The following CRLS1 variants were observed in gnomAD, a reference collection of about 807,000 sequenced individuals.
The protein encoded by CRLS1 is cardiolipin synthase (CMP-forming).
A neutral mutation model predicts 37.0 loss-of-function variants in CRLS1; 24 were observed. The observed-to-expected ratio is 0.65, with a 90% CI of 0.47 to 0.91. The LOEUF (loss-of-function observed/expected upper bound fraction) is 0.91, where lower values mean the gene tolerates loss of function less well. Among genes scored for constraint, CRLS1 ranks in the 40% least tolerant of loss-of-function variants. CRLS1 has a pLI of 0.00. For missense variants in CRLS1, 373 were observed against 395.8 expected (o/e 0.94, Z 0.49); for synonymous variants, 135 against 159.7 (o/e 0.85, Z 1.17).
In CRLS1 at chr20:6,012,192, C is replaced by G. The variant is rs150333477; in HGVS notation, c.444+2280C>G. On this transcript the variant is annotated intron_variant, in intron 2 of 6. Transcript: ENST00000378863. Reference sequence around the variant, plus strand: ...GTTCCATGGAGATTTTAGTGCCTTTCAATTGGCCACTGGGAGGTGGTCGGA... The same window carrying G: ...GTTCCATGGAGATTTTAGTGCCTTTGAATTGGCCACTGGGAGGTGGTCGGA... Among the ~76,000 whole-genome samples the G allele has an allele frequency of 4.6e-5, 7 of 152,272 alleles. No individual in the cohort carries two copies. The East Asian group carries it at 1.3e-3, about 29-fold the overall frequency.
Position 6,009,994 on chromosome 20 carries a change from C to T in CRLS1, c.444+82C>T, listed in dbSNP as rs1470247598. The T allele has an allele frequency of 8.3e-6, 11 of 1,318,700 alleles. No individual in the cohort carries two copies. In the African/African-American group the frequency reaches 1.6e-4, roughly 20 times the overall value. The allele number at this position is 1,318,700 out of a possible 1,614,324, so 81.7% of individuals were successfully genotyped here. ...TAAACCGAAATAGCATAGCCTTAGC[C>T]TGCTTTTCCTTGGGAGGAAAACCTC... On this transcript the variant is annotated intron_variant, in intron 2 of 6. Transcript: ENST00000378863.
intron 3 of CRLS1, among the ~76,000 whole-genome samples, chr20:6,026,488 C>T (rs1222633773): frequency 6.6e-6 from 1 of 152,008 alleles, no homozygotes; most frequent in Non-Finnish European, 1.5e-5. Context: ...TGGAACAGAG[C>T]CTTCAATGTC....
chr20:6,016,730 G>A (rs1050123420), intron 3 of CRLS1, among the ~76,000 whole-genome samples: 1 of 152,122 alleles, frequency 6.6e-6, no homozygotes, highest in Non-Finnish European at 1.5e-5. Flanking sequence ...ATTGGTGTAG[G>A]TTGCTTTCCA....
In CRLS1 at chr20:6,006,190, G is replaced by C. The variant is rs907814372; in HGVS notation, c.-57G>C. ...GTCTCCATGGAGAAGCGGCTCGCCA[G>C]TGTCCCAGGCTGCTGAGCTCTCGCC... On this transcript the variant is annotated 5_prime_UTR_variant, in exon 1 of 7. Coordinates refer to ENST00000378863, the MANE Select transcript of CRLS1 (RefSeq NM_019095.6). 9.5e-7 allele frequency: 1 copy of C among 1,047,940 alleles called. No individual in the cohort carries two copies. Among genetic ancestry groups the C allele is most frequent in the East Asian group, 3.5e-5 (1 of 28,888 alleles). The allele number at this position is 1,047,940 out of a possible 1,614,324, so 64.9% of individuals were successfully genotyped here.
intron 4 of CRLS1, 61 bp downstream of exon 4, chr20:6,031,431 A>C (rs1600388165): frequency 7.6e-7 from 1 of 1,322,572 alleles, no homozygotes; most frequent in East Asian, 2.3e-5. Flanking sequence ...AAAAAGCAAA[A>C]AGACATATTT....
chr20:6,011,774 T>C (rs760075439), intron 2 of CRLS1, among the ~76,000 whole-genome samples: 41 of 151,102 alleles, frequency 2.7e-4, no homozygotes, highest in Non-Finnish European at 5.3e-4. Context: ...TTAGTAGATA[T>C]GGGGTTTCAT....
intron 1 of CRLS1, chr20:6,007,146 C>A (rs1282464991): frequency 1.9e-6 from 2 of 1,026,320 alleles, no homozygotes; most frequent in South Asian, 2.2e-5. Context: ...ACAGAAGACA[C>A]CCGAGCATGA....
chr20:6,016,463 G>A (rs1397820165), intron 3 of CRLS1, among the ~76,000 whole-genome samples: 1 of 123,894 alleles, frequency 8.1e-6, no homozygotes, highest in African/African-American at 2.8e-5. Context: ...GGGTGTGTGT[G>A]TGTGTGTGTG....
rs1231445467 is a variant in CRLS1, at chr20:6,037,554, A to G, written c.*396A>G. On this transcript the variant is annotated 3_prime_UTR_variant, in exon 7 of 7. Coordinates refer to ENST00000378863, the MANE Select transcript of CRLS1 (RefSeq NM_019095.6). ...CTAGGAAATGTCATGGGGTTCAAAT[A>G]TATATCCTACACAACTGGGCAATAC... The G allele has an allele frequency of 6.4e-6, 1 of 156,744 alleles. No individual in the cohort carries two copies. The highest frequency in any genetic ancestry group is 2.4e-5 in the African/African-American group (1 of 41,558). The allele number at this position is 156,744 out of a possible 1,614,324, so 9.7% of individuals were successfully genotyped here. A position where few individuals can be genotyped will look rare whatever the true frequency, so the allele number is the denominator to read the frequency against.
chr20:6,036,934 A>G, intron 6 of CRLS1, 140 bp from the exon 7 acceptor site: 1 of 579,012 alleles, frequency 1.7e-6, no homozygotes, highest in Non-Finnish European at 3.0e-6. Flanking sequence ...TGTAGTTAAG[A>G]AAAATTACAC....
chr20:6,033,020 C>A (rs370026470), intron 5 of CRLS1, among the ~76,000 whole-genome samples: 3 of 151,762 alleles, frequency 2.0e-5, no homozygotes, highest in Non-Finnish European at 4.4e-5. Context: ...TAAAGAGGTA[C>A]GGGGACAAGT....
chr20:6,024,255 C>T (rs963160933), intron 3 of CRLS1, among the ~76,000 whole-genome samples: 1 of 152,166 alleles, frequency 6.6e-6, no homozygotes, highest in African/African-American at 2.4e-5. Context: ...AGCACCTGGT[C>T]TCTGTGTCAC....
intron 3 of CRLS1, among the ~76,000 whole-genome samples, chr20:6,023,733 A>T (rs1300053907): frequency 6.8e-6 from 1 of 147,528 alleles, no homozygotes; most frequent in African/African-American, 2.5e-5. Flanking sequence ...TCAAGAGCTC[A>T]TGTTCTTTGT....
chr20:6,025,397 A>G (rs74841729), intron 3 of CRLS1, among the ~76,000 whole-genome samples: 1 of 152,146 alleles, frequency 6.6e-6, no homozygotes, highest in Admixed American at 6.5e-5. Context: ...TAAGCCTACA[A>G]TTGAGACCTA....
rs925185122 is a variant in CRLS1 at position 6,034,487 on chromosome 20, C to T, written c.753C>T (p.Ile251=). Residue 251 remains isoleucine, a synonymous_variant, in exon 6 of 7, where the codon ATC becomes ATT. Transcript: ENST00000378863. The part of the protein sequence containing the change: ...ISKVNTAVQL[I]LVAASLAAPV... ...AGGTGAATACAGCAGTCCAGTTAAT[C>T]TTGGTGGCAGCTTCTTTGGCAGCTC... 6.2e-7 allele frequency: 1 copy of T among 1,612,870 alleles called. No individual in the cohort carries two copies. The highest frequency in any genetic ancestry group is 8.5e-7 in the Non-Finnish European group (1 of 1,179,852).
rs1342139753 is a variant in CRLS1, at chr20:6,031,389, A to G, written c.660+19A>G. On this transcript the variant is annotated intron_variant, in intron 4 of 6. Transcript: ENST00000378863. ...AACACCAGTGAGTTTGTTTCCAAAAAGTATTCTTTTAGCATTATATATGAT... is the reference window on the plus strand; with the variant it reads ...AACACCAGTGAGTTTGTTTCCAAAAGGTATTCTTTTAGCATTATATATGAT... The G allele has an allele frequency of 6.4e-7, 1 of 1,552,176 alleles. No homozygotes were observed. Among genetic ancestry groups the G allele is most frequent in the Non-Finnish European group, 8.8e-7 (1 of 1,137,050 alleles).
chr20:6,034,577 T>C (rs763979185), intron 6 of CRLS1, 22 bp downstream of exon 6: 3 of 1,499,108 alleles, frequency 2.0e-6, no homozygotes, highest in Non-Finnish European at 2.8e-6. Flanking sequence ...TTAGAATCAC[T>C]CTCTTAGAAT....
chr20:6,020,178 T>A (rs1979141190), intron 3 of CRLS1, among the ~76,000 whole-genome samples: 2 of 152,272 alleles, frequency 1.3e-5, no homozygotes, highest in African/African-American at 4.8e-5. Flanking sequence ...CATAGTCTAG[T>A]GTGTGTTTTG....
At chr20:6,007,300 C>T (rs2090071190) in intron 1 of CRLS1, 2 of 1,575,832 alleles carry the variant, frequency 1.3e-6, no homozygotes, top group Non-Finnish European at 1.7e-6. Flanking sequence ...GGGGTCTCAA[C>T]TCCACTGATA....
Sources: gnomAD v4.1 joint callset for allele counts (sites outside exome capture counted in the v4.1 genomes callset) on GRCh38, gnomAD v4.1.1 for gene constraint, MANE v1.5 for transcripts, NCBI Gene and HGNC (gene_info 2026-07-23, HGNC 2026-07-21) for gene names.